ABCB1: variants seen among roughly 807,000 people sequenced by gnomAD.
The protein encoded by ABCB1 is ATP-dependent translocase ABCB1.
In ABCB1, 69 loss-of-function variants were observed where a neutral mutation model predicts 142.0. That is an observed-to-expected ratio of 0.49 (90% confidence interval 0.40 to 0.59). The LOEUF (loss-of-function observed/expected upper bound fraction) is 0.59. Among genes scored for constraint, ABCB1 ranks in the 20% least tolerant of loss-of-function variants. The pLI, the probability that ABCB1 is intolerant of heterozygous loss-of-function variation, is 0.00. For missense variants in ABCB1, 1,326 were observed against 1,554.7 expected (o/e 0.85, Z 2.47); for synonymous variants, 532 against 539.2 (o/e 0.99, Z 0.18).
At chr7:87,520,250 A>G (rs1449398643) in intron 22 of ABCB1, among the ~76,000 whole-genome samples, 1 of 152,158 alleles carries the variant, frequency 6.6e-6, no homozygotes, top group Non-Finnish European at 1.5e-5. Flanking sequence ...AAATCCATCA[A>G]TAAAGTCCAG....
At chr7:87,645,669 A>G (rs1479478745) in intron 1 of ABCB1, among the ~76,000 whole-genome samples, 1 of 152,218 alleles carries the variant, frequency 6.6e-6, no homozygotes, top group Non-Finnish European at 1.5e-5. Context: ...ATAGCTCAGC[A>G]TCTGTGTGAT....
intron 1 of ABCB1, among the ~76,000 whole-genome samples, chr7:87,703,062 C>T (rs901196828): frequency 6.6e-6 from 1 of 151,866 alleles, no homozygotes; most frequent in South Asian, 2.1e-4. Context: ...TTAGAAATTA[C>T]AGAATGAAAC....
chr7:87,561,307 A>G lies in ABCB1; in HGVS notation c.783T>C (p.Ile261=). ...GTCCTCCAAATGCAATCACAGTTCT[A>G]ATTGCTGCCAAGACCTCTTCAGCTA... ...GAVAEEVLAA[I]RTVIAFGGQK... The change falls in exon 8 of 28, where the codon ATT becomes ATC. Residue 261 remains isoleucine, a synonymous_variant. Transcript: ENST00000622132. 1.9e-6 allele frequency: 3 copies of G among 1,614,072 alleles called. No homozygotes were observed. The highest frequency in any genetic ancestry group is 1.7e-5 in the Admixed American group (1 of 60,010).
At chr7:87,607,214 A>G (rs867709290) in intron 1 of ABCB1, among the ~76,000 whole-genome samples, 4 of 152,182 alleles carry the variant, frequency 2.6e-5, no homozygotes, top group Non-Finnish European at 4.4e-5. Flanking sequence ...TATCAGCCTC[A>G]AAGAGTTATT....
At chr7:87,592,061 C>T (rs1819020195) in intron 3 of ABCB1, among the ~76,000 whole-genome samples, 1 of 152,108 alleles carries the variant, frequency 6.6e-6, no homozygotes, top group Non-Finnish European at 1.5e-5. Context: ...GGAACAGGAG[C>T]CAAACTTCAA....
chr7:87,588,353 G>T (rs1029283839), intron 3 of ABCB1, among the ~76,000 whole-genome samples: 2 of 152,074 alleles, frequency 1.3e-5, no homozygotes, highest in East Asian at 3.9e-4. Context: ...CCTCCGAAAG[G>T]CCCCAATGTG....
At chr7:87,634,494 T>TGGG (rs58092989) in intron 1 of ABCB1, among the ~76,000 whole-genome samples, 1 of 73,262 alleles carries the variant, frequency 1.4e-5, no homozygotes, top group Non-Finnish European at 2.6e-5. Flanking sequence ...TGGTGGGGGG[T>TGGG]GGGGGGGGGG....
chr7:87,652,639 T>TATATATATATATATATATATATAC (rs1823696850), intron 1 of ABCB1, among the ~76,000 whole-genome samples: 1 of 148,590 alleles, frequency 6.7e-6, no homozygotes, highest in African/African-American at 2.5e-5. Flanking sequence ...TATATATATA[T>TATATATATATATATATATATATAC]ATATATAGTA....
intron 1 of ABCB1, among the ~76,000 whole-genome samples, chr7:87,631,885 C>A (rs1208950870): frequency 6.6e-6 from 1 of 152,020 alleles, no homozygotes; most frequent in African/African-American, 2.4e-5. Context: ...TCATTGTTAA[C>A]CTTCAATTAT....
At chr7:87,628,966 G>A in intron 1 of ABCB1, 4 of 1,307,894 alleles carry the variant, frequency 3.1e-6, no homozygotes, top group Non-Finnish European at 3.9e-6. Context: ...GCAGGGCGAG[G>A]GGAACCAGCC....
intron 1 of ABCB1, chr7:87,629,062 A>G (rs921063440): frequency 2.0e-6 from 2 of 1,021,082 alleles, no homozygotes; most frequent in African/African-American, 1.7e-5. Flanking sequence ...GCCCCCGCCT[A>G]TGTTGCGCCA....
chr7:87,595,807 C>G lies in ABCB1; in HGVS notation c.76G>C (p.Asp26His). The change falls in exon 3 of 28, where the codon GAT becomes CAT. Residue 26 changes from aspartate to histidine, a missense_variant. Coordinates refer to ENST00000622132, the MANE Select transcript of ABCB1 (RefSeq NM_001348946.2). ...ACAGTTGGTTTCTTTTCCTTCTTAT[C>G]TTTTTCACTGCAAAACAGCAATGGA... is the stretch of plus-strand genomic sequence containing the variant. ...FFKLNNKSEK[D>H]KKEKKPTVSV... The G allele has an allele frequency of 6.2e-7, 1 of 1,610,554 alleles. No individual in the cohort carries two copies. Among genetic ancestry groups the G allele is most frequent in the Non-Finnish European group, 8.5e-7 (1 of 1,177,420 alleles).
At chr7:87,711,306 A>G (rs1442445931) in intron 1 of ABCB1, among the ~76,000 whole-genome samples, 1 of 152,104 alleles carries the variant, frequency 6.6e-6, no homozygotes, top group Non-Finnish European at 1.5e-5. Context: ...AGCCTGAGCA[A>G]CAAGAGAGAA....
chr7:87,653,307 G>A (rs1303231396), intron 1 of ABCB1, among the ~76,000 whole-genome samples: 1 of 151,996 alleles, frequency 6.6e-6, no homozygotes, highest in Non-Finnish European at 1.5e-5. Flanking sequence ...CACTGCAAAA[G>A]CTGGATAAAT....
At chr7:87,510,106 T>C (rs1814941643) in intron 25 of ABCB1, among the ~76,000 whole-genome samples, 1 of 152,134 alleles carries the variant, frequency 6.6e-6, no homozygotes, top group African/African-American at 2.4e-5. Context: ...AAGTGTAAAG[T>C]CATAAATTGG....
intron 1 of ABCB1, among the ~76,000 whole-genome samples, chr7:87,610,947 C>T (rs1362642528): frequency 2.0e-5 from 3 of 152,192 alleles, no homozygotes; most frequent in African/African-American, 7.2e-5. Context: ...TTGAATCCAG[C>T]GTCTTCTCAA....
At chr7:87,525,420 G>A (rs552724093) in intron 21 of ABCB1, among the ~76,000 whole-genome samples, 4 of 152,038 alleles carry the variant, frequency 2.6e-5, no homozygotes, top group Non-Finnish European at 5.9e-5. Context: ...CTGACCCCTC[G>A]TGCAGTTGAA....
intron 26 of ABCB1, among the ~76,000 whole-genome samples, chr7:87,508,791 G>C (rs1356839597): frequency 6.6e-6 from 1 of 152,154 alleles, no homozygotes; most frequent in African/African-American, 2.4e-5. Context: ...GCTTGGGAGA[G>C]AGCTGCAAGG....
rs777495093 is a variant in ABCB1 at position 87,545,043 on chromosome 7, TTAA to T, written c.1888-47_1888-45del. 20 of 1,573,132 alleles carry T rather than the reference TTAA, an allele frequency of 1.3e-5. No individual in the cohort carries two copies. The South Asian group carries it at 2.2e-4, about 18-fold the overall frequency. On this transcript the variant is annotated intron_variant, in intron 15 of 27. Coordinates refer to ENST00000622132, the MANE Select transcript of ABCB1 (RefSeq NM_001348946.2). ...ATGCAAAAGCTCATTAGGCTGTGTG[TTAA>T]CCAATGAAAGCTAATCACTGAATGT...
Sources: gnomAD v4.1 joint callset for allele counts (sites outside exome capture counted in the v4.1 genomes callset) on GRCh38, gnomAD v4.1.1 for gene constraint, MANE v1.5 for transcripts, NCBI Gene and HGNC (gene_info 2026-07-23, HGNC 2026-07-21) for gene names.